PADI1: variants seen among roughly 807,000 people sequenced by gnomAD.
PADI1 encodes the protein peptidyl arginine deiminase 1.
A neutral mutation model predicts 74.8 loss-of-function variants in PADI1; 65 were observed. That is an observed-to-expected ratio of 0.87 (90% CI 0.71 to 1.07). PADI1 has a LOEUF of 1.07. Among genes scored for constraint, PADI1 ranks in the 50% least tolerant of loss-of-function variants. The probability of loss-of-function intolerance (pLI) is 0.00; values close to 1 mark genes in which losing one functional copy is unlikely to be tolerated. For missense variants in PADI1, 943 were observed against 854.0 expected, an observed-to-expected ratio of 1.10 and a Z score of -1.30; for synonymous variants, 371 against 336.2, an observed-to-expected ratio of 1.10 and a Z score of -1.13.
chr1:17,212,195 G>A (rs961817878), intron 1 of PADI1, among the ~76,000 whole-genome samples: 24 of 152,192 alleles, frequency 1.6e-4, no homozygotes, highest in Non-Finnish European at 8.8e-5. Context: ...AGATTTGCTG[G>A]GCCCTGCTGC....
At position 17,232,668 on chromosome 1, in the gene PADI1, T is replaced by C. The variant is rs1357651086; in HGVS notation, c.1162-151T>C. 5.1e-6 allele frequency: 3 copies of C among 587,652 alleles called. No homozygotes were observed. The African/African-American group carries it at 5.7e-5, about 11-fold the overall frequency. The allele number at this position is 587,652 out of a possible 1,614,324, so 36.4% of individuals were successfully genotyped here. Reference sequence around the variant, plus strand: ...CATGGTTCGCAGAGCCCAGGGGGGATTTGTAAAAAGTGGACAGAGATCGTT... The same window carrying C: ...CATGGTTCGCAGAGCCCAGGGGGGACTTGTAAAAAGTGGACAGAGATCGTT... On this transcript the variant is annotated intron_variant, in intron 10 of 15. Coordinates refer to ENST00000375471, the MANE Select transcript of PADI1 (RefSeq NM_013358.3).
In PADI1 at chr1:17,244,935, A is replaced by G. The variant is rs1481333062; in HGVS notation, c.*692A>G. The G allele has an allele frequency of 5.7e-6, 1 of 176,220 alleles. No homozygotes were observed. The highest frequency in any genetic ancestry group is 1.2e-5 in the Non-Finnish European group (1 of 82,784). The allele number at this position is 176,220 out of a possible 1,614,324, so 10.9% of individuals were successfully genotyped here. A position where few individuals can be genotyped will look rare whatever the true frequency, so the allele number is the denominator to read the frequency against. On this transcript the variant is annotated 3_prime_UTR_variant, in exon 16 of 16. Coordinates refer to ENST00000375471, the MANE Select transcript of PADI1 (RefSeq NM_013358.3). ...CCTTTCTGGAAAGACTTTAATTACCAGAGCTGGCTTCTCCCAGCTCAGAAA... is the reference window on the plus strand; with the variant it reads ...CCTTTCTGGAAAGACTTTAATTACCGGAGCTGGCTTCTCCCAGCTCAGAAA...
intron 12 of PADI1, among the ~76,000 whole-genome samples, chr1:17,238,263 A>G (rs2072694161): frequency 6.6e-6 from 1 of 152,226 alleles, no homozygotes; most frequent in South Asian, 2.1e-4. Context: ...GCTGGTCTCA[A>G]ACTCCTGACT....
intron 15 of PADI1, among the ~76,000 whole-genome samples, chr1:17,243,238 C>G (rs971029301): frequency 3.9e-5 from 6 of 152,206 alleles, no homozygotes; most frequent in Non-Finnish European, 7.3e-5. Context: ...GAATTCCCAT[C>G]CCCAGATTAG....
chr1:17,213,502 G>A (rs935773444), intron 1 of PADI1, among the ~76,000 whole-genome samples: 2 of 152,138 alleles, frequency 1.3e-5, no homozygotes, highest in Non-Finnish European at 2.9e-5. Flanking sequence ...TGTCTCTGGC[G>A]ATGTATTTTC....
intron 8 of PADI1, among the ~76,000 whole-genome samples, chr1:17,229,318 C>T (rs1351421847): frequency 6.6e-6 from 1 of 152,224 alleles, no homozygotes; most frequent in Admixed American, 6.5e-5. Flanking sequence ...GCTGCAGCCC[C>T]AGAACATCTC....
At chr1:17,223,412 G>A in intron 2 of PADI1, 2 of 576,342 alleles carry the variant, frequency 3.5e-6, no homozygotes, top group South Asian at 4.0e-5. Flanking sequence ...ACCTGCTCTG[G>A]GAACCAAGGT....
At chr1:17,224,240 GACCCCCAGACAGGGCTTCCAGTCCTC>G (rs1463261212) in intron 3 of PADI1, 101 bp from the exon 4 acceptor site, 66 of 763,120 alleles carry the variant, frequency 8.6e-5, no homozygotes, top group Non-Finnish European at 1.3e-4. Context: ...TGTGGGGTCT[GACCCCCAGACAGGGCTTCCAGTCCTC>G]ACGGGCTTGG....
chr1:17,232,953 C>T lies in PADI1; in HGVS notation c.1296C>T (p.Ile432=), dbSNP rs750779807. The stretch of plus-strand genomic sequence containing the variant: ...AATACCCCCTGGGCCGGATCCTCAT[C>T]GGGAGCAGCTTCCCCAAGTGAGGGG... ...GTEYPLGRIL[I]GSSFPKSGGR... Residue 432 remains isoleucine, a synonymous_variant, in exon 11 of 16, where the codon ATC becomes ATT. Coordinates refer to ENST00000375471, the MANE Select transcript of PADI1 (RefSeq NM_013358.3). 2.0e-5 allele frequency: 32 copies of T among 1,607,400 alleles called. No individual in the cohort carries two copies. Among genetic ancestry groups the T allele is most frequent in the South Asian group, 5.6e-5 (5 of 90,022 alleles).
intron 8 of PADI1, 99 bp from the exon 9 acceptor site, chr1:17,229,986 C>G (rs2072440479): frequency 8.7e-7 from 1 of 1,149,430 alleles, no homozygotes; most frequent in East Asian, 2.4e-5. Context: ...ACCCCTGTAC[C>G]CCAGAGGCTG....
At chr1:17,216,645 C>T (rs1464051879) in intron 1 of PADI1, among the ~76,000 whole-genome samples, 3 of 152,110 alleles carry the variant, frequency 2.0e-5, no homozygotes, top group African/African-American at 7.2e-5. Context: ...CCGAGGTTGG[C>T]AGATCACTTG....
At chr1:17,215,269 GC>G (rs1386506369) in intron 1 of PADI1, among the ~76,000 whole-genome samples, 3 of 152,180 alleles carry the variant, frequency 2.0e-5, no homozygotes, top group African/African-American at 7.2e-5. Flanking sequence ...GAGCTATTGA[GC>G]AAGTTTGGGG....
At chr1:17,228,475 C>T in intron 6 of PADI1, 150 bp from the exon 7 acceptor site, 1 of 721,750 alleles carries the variant, frequency 1.4e-6, no homozygotes, top group South Asian at 1.7e-5. Flanking sequence ...GAGGTTGAGT[C>T]ATTGAGCTAA....
rs140933458 is a variant in PADI1, at chr1:17,232,777, C to T, written c.1162-42C>T. 4.4e-4 allele frequency: 689 copies of T among 1,582,084 alleles called. 5 individuals carry two copies. The East Asian group carries it at 0.011, about 26-fold the overall frequency. ...AACTGCCTCGTCCTGTCCTCACTGA[C>T]CTCTCCTTCTTGGGGTGGGGGTCTC... is the stretch of plus-strand genomic sequence containing the variant. On this transcript the variant is annotated intron_variant, in intron 10 of 15. Coordinates refer to ENST00000375471, the MANE Select transcript of PADI1 (RefSeq NM_013358.3).
At chr1:17,213,625 G>A (rs1458767594) in intron 1 of PADI1, among the ~76,000 whole-genome samples, 1 of 152,180 alleles carries the variant, frequency 6.6e-6, no homozygotes. Flanking sequence ...TACCTTGGTC[G>A]GGGAGCAGGA....
At chr1:17,211,149 A>G (rs953627279) in intron 1 of PADI1, among the ~76,000 whole-genome samples, 8 of 152,010 alleles carry the variant, frequency 5.3e-5, no homozygotes, top group African/African-American at 1.9e-4. Flanking sequence ...CCACTCCTCC[A>G]TGCCTTTCAG....
At chr1:17,237,555 G>A (rs1447248957) in intron 12 of PADI1, 97 bp downstream of exon 12, 2 of 1,213,016 alleles carry the variant, frequency 1.6e-6, no homozygotes, top group Non-Finnish European at 2.2e-6. Context: ...TCAACCCTGT[G>A]CCCCGAGTAA....
In PADI1 at chr1:17,224,491, G is replaced by A. The variant is rs574614220; in HGVS notation, c.408+63G>A. 51 of 1,254,376 alleles carry A rather than the reference G, an allele frequency of 4.1e-5. No homozygotes were observed. In the African/African-American group the frequency reaches 6.6e-4, roughly 16 times the overall value. The allele number at this position is 1,254,376 out of a possible 1,614,324, so 77.7% of individuals were successfully genotyped here. A position where few individuals can be genotyped will look rare whatever the true frequency, so the allele number is the denominator to read the frequency against. ...AAAGGCAAACTTGGGGTGGTCCCGG[G>A]TGGATTGTGCCCTCCCTCCAGAAGA... is the stretch of plus-strand genomic sequence containing the variant. On this transcript the variant is annotated intron_variant, in intron 4 of 15. Coordinates refer to ENST00000375471, the MANE Select transcript of PADI1 (RefSeq NM_013358.3).
In PADI1 at chr1:17,221,471, G is replaced by GA. The variant is rs199509580; in HGVS notation, c.93-804dup. On this transcript the variant is annotated intron_variant, in intron 1 of 15. Transcript: ENST00000375471. ...GTGAGAGAGTGAGACTCTGTCTCAA[G>GA]AAAAAAAAAAAAAAAGAATCAGAGC... Among the ~76,000 whole-genome samples, 153 of 97,472 alleles carry GA rather than the reference G, an allele frequency of 1.6e-3. 1 individual carries two copies. Among genetic ancestry groups the GA allele is most frequent in the South Asian group, 3.1e-3 (9 of 2,910 alleles). 63.9% of individuals were successfully genotyped at this position (97,472 alleles called of 152,430 possible). A position where few individuals can be genotyped will look rare whatever the true frequency, so the allele number is the denominator to read the frequency against.
Sources: allele counts gnomAD v4.1 joint callset (sites outside exome capture counted in the v4.1 genomes callset), GRCh38; gene constraint gnomAD v4.1.1; transcripts MANE v1.5; gene names NCBI Gene and HGNC (gene_info 2026-07-23, HGNC 2026-07-21).